Variants in TLK1 observed in about 807,000 individuals in gnomAD.
TLK1 encodes tousled like kinase 1, also known as serine/threonine-protein kinase tousled-like 1.
A neutral mutation model predicts 105.3 loss-of-function variants in TLK1; 24 were observed. The ratio of observed to expected loss-of-function variants is 0.23; its 90% CI spans 0.17 to 0.32. The LOEUF (loss-of-function observed/expected upper bound fraction) is 0.32, where lower values mean the gene tolerates loss of function less well. Among genes scored for constraint, TLK1 ranks in the 10% least tolerant of loss-of-function variants. The pLI, the probability that TLK1 is intolerant of heterozygous loss-of-function variation, is 1.00. For missense variants in TLK1, 558 were observed against 910.5 expected (o/e 0.61, Z 4.98); for synonymous variants, 321 against 310.4 (o/e 1.03, Z -0.36).
intron 1 of TLK1, among the ~76,000 whole-genome samples, chr2:171,210,955 A>G (rs1693602870): frequency 6.6e-6 from 1 of 152,238 alleles, no homozygotes; most frequent in African/African-American, 2.4e-5. Flanking sequence ...AGGTATATAC[A>G]GCCGGATGTG....
rs1218670871 is a variant in TLK1, at chr2:171,076,757, C to CA, written c.330+6023dup. On this transcript the variant is annotated intron_variant, in intron 3 of 20. Coordinates refer to ENST00000431350, the MANE Select transcript of TLK1 (RefSeq NM_012290.5). The stretch of plus-strand genomic sequence containing the variant: ...TACTAAAAAAAAAAAAAAAAAAATA[C>CA]AAAAAAATCAGCCAGGCGTGGTGGT... Among the ~76,000 whole-genome samples, 10 of 136,424 alleles carry CA rather than the reference C, an allele frequency of 7.3e-5. No homozygotes were observed. The East Asian group carries it at 1.1e-3, about 15-fold the overall frequency. The allele number at this position is 136,424 out of a possible 152,430, so 89.5% of individuals were successfully genotyped here.
chr2:171,200,294 C>G (rs775720029), intron 1 of TLK1, among the ~76,000 whole-genome samples: 2 of 152,104 alleles, frequency 1.3e-5, no homozygotes, highest in African/African-American at 4.8e-5. Context: ...TTCTACCCCC[C>G]CATCCTGTGT....
chr2:171,160,429 C>G lies in TLK1; in HGVS notation c.-1G>C, dbSNP rs775953231. ...TTCCACTGCTACTTTGGACACTCAT[C>G]AAGCTACTTTCTGGGAACCCGACTC... is the stretch of plus-strand genomic sequence containing the variant. On this transcript the variant is annotated 5_prime_UTR_variant, in exon 1 of 21. Transcript: ENST00000431350. This position sits in a 1 kb window ranked among gnomAD's most constrained non-coding sequence, Gnocchi z 4.4. 6.2e-7 allele frequency: 1 copy of G among 1,600,180 alleles called. No individual in the cohort carries two copies. Among genetic ancestry groups the G allele is most frequent in the Non-Finnish European group, 8.5e-7 (1 of 1,174,324 alleles).
intron 1 of TLK1, among the ~76,000 whole-genome samples, chr2:171,226,201 C>A (rs1310492890): frequency 6.6e-6 from 1 of 152,150 alleles, no homozygotes; most frequent in African/African-American, 2.4e-5. Context: ...GCCTTTGTTA[C>A]AACCACATAA....
At chr2:171,187,069 AAAAAAAAAAAAAAAG>A (rs1482850194) in intron 1 of TLK1, among the ~76,000 whole-genome samples, 9,482 of 139,358 alleles carry the variant, frequency 0.068, 890 homozygotes, top group East Asian at 0.25. Context: ...AAAAAAAAAA[AAAAAAAAAAAAAAAG>A]AAAAAGAAAA....
At chr2:171,155,551 C>A (rs1398234013) in intron 1 of TLK1, 2 of 152,178 alleles carry the variant, frequency 1.3e-5, no homozygotes, top group East Asian at 3.9e-4. Flanking sequence ...TATAGTTTAA[C>A]TATATTTAGG....
chr2:171,136,918 T>G (rs1691349888), intron 1 of TLK1, among the ~76,000 whole-genome samples: 1 of 152,176 alleles, frequency 6.6e-6, no homozygotes, highest in African/African-American at 2.4e-5. Context: ...CAAATATCAG[T>G]GTCCATAGTA....
At chr2:171,162,782 T>C (rs984241767), upstream of TLK1, among the ~76,000 whole-genome samples, 1 of 152,188 alleles carries the variant, frequency 6.6e-6, no homozygotes, top group African/African-American at 2.4e-5. Flanking sequence ...TGTACTCTTG[T>C]CTGGCTTTGG....
intron 1 of TLK1, among the ~76,000 whole-genome samples, chr2:171,131,352 G>GT (rs1411849043): frequency 3.3e-5 from 5 of 152,126 alleles, no homozygotes; most frequent in Non-Finnish European, 4.4e-5. Context: ...ACAAATTACT[G>GT]TAACTGCCAT....
chr2:171,143,636 T>C (rs910279394), intron 1 of TLK1, among the ~76,000 whole-genome samples: 1 of 148,980 alleles, frequency 6.7e-6, no homozygotes, highest in Non-Finnish European at 1.5e-5. Context: ...AGCTATGAAG[T>C]AGACTCTGAT....
At chr2:170,996,507 G>C in intron 20 of TLK1, 146 bp downstream of exon 20, 1 of 532,518 alleles carries the variant, frequency 1.9e-6, no homozygotes. Context: ...CTCCTTCTCT[G>C]AAAGTAAATC....
chr2:170,998,034 CTCTA>C (rs1684146779), intron 18 of TLK1, among the ~76,000 whole-genome samples: 1 of 150,044 alleles, frequency 6.7e-6, no homozygotes, highest in Non-Finnish European at 1.5e-5. Context: ...TAAAGTTCAT[CTCTA>C]TCTATCTTTA....
chr2:171,006,509 A>T lies in TLK1; in HGVS notation c.1733T>A (p.Ile578Asn). ...IVNALRYLNE[I>N]KPPIIHYDLK... ...ATCATAATGTATAATAGGGGGTTTG[A>T]TCTCATTGAGATATCTTAGTGCATT... The change falls in exon 17 of 21, where the codon ATC becomes AAC. Residue 578 changes from isoleucine to asparagine, a missense_variant. By Grantham distance (149) the Ile-to-Asn change is moderately radical. Coordinates refer to ENST00000431350, the MANE Select transcript of TLK1 (RefSeq NM_012290.5). 6.2e-7 allele frequency: 1 copy of T among 1,612,178 alleles called. No individual in the cohort carries two copies. The highest frequency in any genetic ancestry group is 8.5e-7 in the Non-Finnish European group (1 of 1,179,386).
At chr2:171,136,294 T>G (rs1221799917) in intron 1 of TLK1, among the ~76,000 whole-genome samples, 1 of 152,192 alleles carries the variant, frequency 6.6e-6, no homozygotes, top group Non-Finnish European at 1.5e-5. Flanking sequence ...GAAAGTAGAA[T>G]AGTGGTTGCT....
intron 1 of TLK1, among the ~76,000 whole-genome samples, chr2:171,169,777 A>C (rs1692691732): frequency 6.6e-6 from 1 of 152,228 alleles, no homozygotes; most frequent in African/African-American, 2.4e-5. Flanking sequence ...AAGAAAAAGA[A>C]GGATTAACAG....
intron 2 of TLK1, among the ~76,000 whole-genome samples, chr2:171,112,450 T>G (rs1295204441): frequency 6.6e-6 from 1 of 152,178 alleles, no homozygotes; most frequent in Non-Finnish European, 1.5e-5. Flanking sequence ...CAAAATCTCC[T>G]TAACTAACCA....
chr2:171,099,130 C>A (rs894828209), intron 2 of TLK1, among the ~76,000 whole-genome samples: 3 of 151,976 alleles, frequency 2.0e-5, no homozygotes, highest in Non-Finnish European at 2.9e-5. Context: ...ACAGTAATAA[C>A]AGCAAAACTA....
intron 10 of TLK1, among the ~76,000 whole-genome samples, chr2:171,048,933 A>G (rs1429744053): frequency 6.6e-6 from 1 of 152,242 alleles, no homozygotes; most frequent in Non-Finnish European, 1.5e-5. Flanking sequence ...TCCTTAACAC[A>G]TAAACAGCCA....
intron 1 of TLK1, among the ~76,000 whole-genome samples, chr2:171,168,778 G>T (rs1054854110): frequency 1.3e-5 from 2 of 152,132 alleles, no homozygotes; most frequent in Non-Finnish European, 2.9e-5. Context: ...ATAATGATGA[G>T]AGTTATTCTG....
Sources: gnomAD v4.1 joint callset for allele counts (sites outside exome capture counted in the v4.1 genomes callset) on GRCh38, gnomAD v4.1.1 for gene constraint, Gnocchi (gnomAD v3.1) non-coding constraint, MANE v1.5 for transcripts, NCBI Gene and HGNC (gene_info 2026-07-23, HGNC 2026-07-21) for gene names.